Variants in CTNNA3 observed in about 807,000 individuals in gnomAD.
CTNNA3 encodes catenin alpha-3.
Under a neutral mutation model 95.7 loss-of-function variants are expected in CTNNA3, and 76 were observed. The ratio of observed to expected loss-of-function variants is 0.79; its 90% CI spans 0.66 to 0.96. The LOEUF is 0.96. Among genes scored for constraint, CTNNA3 ranks in the 40% least tolerant of loss-of-function variants. CTNNA3 has a pLI of 0.00. For missense variants in CTNNA3, 1,191 were observed against 1,089.8 expected (o/e 1.09, Z -1.31); for synonymous variants, 431 against 374.4 (o/e 1.15, Z -1.74).
At chr10:66,718,922 C>G (rs1450740276) in intron 9 of CTNNA3, among the ~76,000 whole-genome samples, 1 of 152,124 alleles carries the variant, frequency 6.6e-6, no homozygotes, top group Admixed American at 6.6e-5. Context: ...AACACATTTA[C>G]CACTAAAGTA....
chr10:67,071,060 A>C (rs1469245575), intron 7 of CTNNA3, among the ~76,000 whole-genome samples: 1 of 152,142 alleles, frequency 6.6e-6, no homozygotes, highest in Non-Finnish European at 1.5e-5. Flanking sequence ...AACTTCATTT[A>C]TCACTTCTTA....
chr10:66,456,864 T>A (rs1430727169), intron 11 of CTNNA3, among the ~76,000 whole-genome samples: 2 of 151,998 alleles, frequency 1.3e-5, no homozygotes, highest in Non-Finnish European at 2.9e-5. Context: ...CAGGCCAATG[T>A]GTGAGGACTG....
chr10:65,998,853 C>A (rs1449897590), intron 15 of CTNNA3, among the ~76,000 whole-genome samples: 1 of 152,084 alleles, frequency 6.6e-6, no homozygotes, highest in African/African-American at 2.4e-5. Flanking sequence ...TCATGCAAAG[C>A]TAAATGATCA....
chr10:67,668,345 C>T (rs1457101686), intron 1 of CTNNA3, among the ~76,000 whole-genome samples: 1 of 151,988 alleles, frequency 6.6e-6, no homozygotes, highest in African/African-American at 2.4e-5. Context: ...GGCAATAGTC[C>T]CCCCTTATAG....
chr10:66,941,712 C>A (rs1484050679), intron 7 of CTNNA3, among the ~76,000 whole-genome samples: 1 of 152,136 alleles, frequency 6.6e-6, no homozygotes, highest in African/African-American at 2.4e-5. Flanking sequence ...ACCGCACTGC[C>A]CGTGCCAGCC....
intron 1 of CTNNA3, among the ~76,000 whole-genome samples, chr10:67,680,636 T>C (rs990118720): frequency 6.6e-6 from 1 of 152,242 alleles, no homozygotes; most frequent in African/African-American, 2.4e-5. Flanking sequence ...TATGAAACTC[T>C]TGTTGCTTAA....
chr10:67,365,435 G>C (rs917486184), intron 5 of CTNNA3, among the ~76,000 whole-genome samples: 3 of 152,090 alleles, frequency 2.0e-5, no homozygotes, highest in Non-Finnish European at 4.4e-5. Flanking sequence ...AGAGTGAACA[G>C]GCAACCCACA....
intron 9 of CTNNA3, among the ~76,000 whole-genome samples, chr10:66,694,220 C>G (rs181615982): frequency 1.3e-5 from 2 of 151,866 alleles, no homozygotes; most frequent in African/African-American, 4.8e-5. Flanking sequence ...GCTAGCAAGA[C>G]TAATAAAGAA....
chr10:67,734,626 G>A (rs1841292522), intron 1 of CTNNA3, among the ~76,000 whole-genome samples: 1 of 152,140 alleles, frequency 6.6e-6, no homozygotes, highest in South Asian at 2.1e-4. Flanking sequence ...GGAAGTCAAA[G>A]CTCTAGAGAA....
intron 8 of CTNNA3, among the ~76,000 whole-genome samples, chr10:66,774,671 T>C (rs140546846): frequency 6.6e-6 from 1 of 152,334 alleles, no homozygotes; most frequent in African/African-American, 2.4e-5. Context: ...AAGTTCATAG[T>C]TGAAAAGCTT....
At chr10:67,738,575 C>A (rs1026086119) in intron 1 of CTNNA3, among the ~76,000 whole-genome samples, 2 of 151,866 alleles carry the variant, frequency 1.3e-5, no homozygotes, top group Non-Finnish European at 2.9e-5. Flanking sequence ...ACCAACGGAA[C>A]AAAGCTGGGG....
chr10:66,072,163 T>C (rs558491330), intron 14 of CTNNA3, among the ~76,000 whole-genome samples: 2 of 152,326 alleles, frequency 1.3e-5, no homozygotes, highest in South Asian at 4.1e-4. Flanking sequence ...GAATTTTACA[T>C]AATTTTCACA....
At chr10:65,970,745 A>C (rs1275483051) in intron 16 of CTNNA3, among the ~76,000 whole-genome samples, 2 of 149,052 alleles carry the variant, frequency 1.3e-5, no homozygotes, top group African/African-American at 2.4e-5. Context: ...GATAAAAAAG[A>C]CTTTAAACCA....
intron 13 of CTNNA3, among the ~76,000 whole-genome samples, chr10:66,259,367 G>A (rs982718636): frequency 6.6e-6 from 1 of 152,092 alleles, no homozygotes; most frequent in Non-Finnish European, 1.5e-5. Context: ...TCTGTTTCTT[G>A]AGACTGTAAT....
chr10:67,538,144 A>G (rs1840541703), intron 4 of CTNNA3, among the ~76,000 whole-genome samples: 1 of 143,142 alleles, frequency 7.0e-6, no homozygotes, highest in African/African-American at 2.8e-5. Context: ...CTTTCCTAAA[A>G]AGCTACTTAA....
rs375067845 is a variant in CTNNA3, at chr10:67,303,960, A to G, written c.580-84090T>C. On this transcript the variant is annotated intron_variant, in intron 5 of 17. Transcript: ENST00000433211. ...GACTTACTTAATTCCTTTCTCTTTTATAAGCTATATTTCTTTATTTGCATT... is the reference window on the plus strand; with the variant it reads ...GACTTACTTAATTCCTTTCTCTTTTGTAAGCTATATTTCTTTATTTGCATT... Among the ~76,000 whole-genome samples the G allele has an allele frequency of 1.7e-4, 26 of 152,292 alleles. No homozygotes were observed. The East Asian group carries it at 4.6e-3, about 27-fold the overall frequency.
intron 15 of CTNNA3, among the ~76,000 whole-genome samples, chr10:66,036,506 C>G (rs1186735223): frequency 6.6e-6 from 1 of 152,088 alleles, no homozygotes; most frequent in Non-Finnish European, 1.5e-5. Context: ...TCCCGAGTAG[C>G]TGGGATTACA....
intron 7 of CTNNA3, among the ~76,000 whole-genome samples, chr10:66,894,426 T>C (rs1447108284): frequency 6.6e-6 from 1 of 152,102 alleles, no homozygotes; most frequent in African/African-American, 2.4e-5. Flanking sequence ...CTCTCTTCCT[T>C]TCTCTTAAAT....
chr10:66,960,073 A>G (rs1357058376), intron 7 of CTNNA3, among the ~76,000 whole-genome samples: 1 of 151,540 alleles, frequency 6.6e-6, no homozygotes, highest in Non-Finnish European at 1.5e-5. Flanking sequence ...GCTATTTGAA[A>G]TTTTTTTTTC....
Sources: gnomAD v4.1 joint callset for allele counts (sites outside exome capture counted in the v4.1 genomes callset) on GRCh38, gnomAD v4.1.1 for gene constraint, MANE v1.5 for transcripts, NCBI Gene and HGNC (gene_info 2026-07-23, HGNC 2026-07-21) for gene names.